The following JMJD1C variants were observed in gnomAD, a reference collection of about 807,000 sequenced individuals.
The protein encoded by JMJD1C is jumonji domain-containing protein 1C.
Under a neutral mutation model 245.3 loss-of-function variants are expected in JMJD1C, and 31 were observed. That is an observed-to-expected ratio of 0.13 (90% CI 0.09 to 0.17). JMJD1C has a LOEUF of 0.17. Among genes scored for constraint, JMJD1C ranks in the 10% least tolerant of loss-of-function variants. The pLI is 1.00. For synonymous variants in JMJD1C, 1,057 were observed against 1,017.4 expected, an observed-to-expected ratio of 1.04 and a Z score of -0.74; for missense variants, 2,691 against 3,000.2, an observed-to-expected ratio of 0.90 and a Z score of 2.41.
At chr10:63,374,226 C>G (rs1472765657) in intron 2 of JMJD1C, among the ~76,000 whole-genome samples, 2 of 152,074 alleles carry the variant, frequency 1.3e-5, no homozygotes, top group Non-Finnish European at 2.9e-5. Flanking sequence ...TACTAAATAA[C>G]AATTCACTAA....
intron 23 of JMJD1C, chr10:63,177,051 C>CTT (rs1842926033): frequency 6.6e-6 from 1 of 152,590 alleles, no homozygotes; most frequent in Non-Finnish European, 1.5e-5. Flanking sequence ...GGCTGTAACT[C>CTT]TTTTACTTCA....
chr10:63,424,281 G>A (rs920570315), intron 1 of JMJD1C, among the ~76,000 whole-genome samples: 1 of 150,438 alleles, frequency 6.6e-6, no homozygotes, highest in Non-Finnish European at 1.5e-5. Flanking sequence ...TGCCCACGCT[G>A]GTCTTGAACT....
chr10:63,266,081 T>C (rs1391261290), intron 2 of JMJD1C, among the ~76,000 whole-genome samples: 1 of 152,034 alleles, frequency 6.6e-6, no homozygotes, highest in Non-Finnish European at 1.5e-5. Context: ...ATATTAAATT[T>C]AAGCAAGTCT....
At chr10:63,271,885 G>A (rs1856345796) in intron 2 of JMJD1C, among the ~76,000 whole-genome samples, 1 of 152,032 alleles carries the variant, frequency 6.6e-6, no homozygotes, top group Admixed American at 6.5e-5. Flanking sequence ...GACCAGCCTG[G>A]CCATCATGGC....
rs1589821346 is a variant in JMJD1C at position 63,487,460 on chromosome 10, G to C, written n.113+34278C>G. Among the ~76,000 whole-genome samples, 4 of 152,282 alleles carry C rather than the reference G, an allele frequency of 2.6e-5. No individual in the cohort carries two copies. The South Asian group carries it at 8.3e-4, about 32-fold the overall frequency. On this transcript the variant is annotated intron_variant and non_coding_transcript_variant, in intron 1 of 3. Coordinates refer to the JMJD1C transcript ENST00000633035. Reference sequence around the variant, plus strand: ...ACTGGCATGCAGTGGATAGAGGCTAGGATGCTGCTAAACATCCTATAATGC... The same window carrying C: ...ACTGGCATGCAGTGGATAGAGGCTACGATGCTGCTAAACATCCTATAATGC...
At chr10:63,242,017 TTG>T (rs1851540611) in intron 3 of JMJD1C, among the ~76,000 whole-genome samples, 1 of 152,176 alleles carries the variant, frequency 6.6e-6, no homozygotes, top group African/African-American at 2.4e-5. Context: ...TCAATTTCCT[TTG>T]TGCAACAGGA....
intron 22 of JMJD1C, among the ~76,000 whole-genome samples, chr10:63,182,326 C>T (rs1291425962): frequency 1.3e-5 from 2 of 152,188 alleles, no homozygotes; most frequent in African/African-American, 2.4e-5. Context: ...TTGTGATTAA[C>T]GGTGCCATTC....
At chr10:63,458,592 T>C (rs1310877537) in intron 1 of JMJD1C, among the ~76,000 whole-genome samples, 1 of 151,976 alleles carries the variant, frequency 6.6e-6, no homozygotes, top group Non-Finnish European at 1.5e-5. Flanking sequence ...GCAGTATTTG[T>C]TGCCATTAAA....
intron 3 of JMJD1C, among the ~76,000 whole-genome samples, chr10:63,232,797 T>C (rs191659741): frequency 1.3e-5 from 2 of 152,340 alleles, no homozygotes; most frequent in African/African-American, 4.8e-5. Context: ...GATGTTTCTA[T>C]GGACTCATGA....
rs1432582484 is a variant in JMJD1C at position 63,172,144 on chromosome 10, G to C, written c.7402-3578C>G. On this transcript the variant is annotated intron_variant, in intron 24 of 25. Coordinates refer to ENST00000399262, the MANE Select transcript of JMJD1C (RefSeq NM_032776.3). The stretch of plus-strand genomic sequence containing the variant: ...TGGATCACTCAGCAATTTAGTGGCA[G>C]AGCTCAGAATATAATTTGTCAGTCT... 2.0e-5 allele frequency among the ~76,000 whole-genome samples: 3 copies of C among 152,216 alleles called. 1 individual carries two copies. The highest frequency in any genetic ancestry group is 4.4e-5 in the Non-Finnish European group (3 of 68,026).
intron 3 of JMJD1C, among the ~76,000 whole-genome samples, chr10:63,256,269 A>C (rs920954816): frequency 6.6e-6 from 1 of 152,196 alleles, no homozygotes; most frequent in Non-Finnish European, 1.5e-5. Flanking sequence ...TTTCGCAACC[A>C]ATTTTTACAA....
At chr10:63,173,385 T>C (rs1842570932) in intron 24 of JMJD1C, among the ~76,000 whole-genome samples, 1 of 152,000 alleles carries the variant, frequency 6.6e-6, no homozygotes, top group Non-Finnish European at 1.5e-5. Flanking sequence ...ACTATGAAAA[T>C]ACCATCCATA....
In JMJD1C at chr10:63,498,284, A is replaced by G. The variant is rs1357278889; in HGVS notation, n.113+23454T>C. Among the ~76,000 whole-genome samples the G allele has an allele frequency of 4.6e-5, 7 of 152,318 alleles. No homozygotes were observed. The South Asian group carries it at 1.5e-3, about 32-fold the overall frequency. On this transcript the variant is annotated intron_variant and non_coding_transcript_variant, in intron 1 of 3. Transcript: ENST00000633035. ...TATCAACATGCTGTACAGTTGTAAA[A>G]GTGACCATTCTCTGCCTTTAATATT...
chr10:63,463,065 C>G (rs1048949344), intron 1 of JMJD1C, among the ~76,000 whole-genome samples: 6 of 151,820 alleles, frequency 4.0e-5, no homozygotes, highest in Admixed American at 1.3e-4. Flanking sequence ...GCCAGGACTT[C>G]TAGTAGACTT....
chr10:63,449,138 A>G (rs1015063245), intron 1 of JMJD1C, among the ~76,000 whole-genome samples: 7 of 150,666 alleles, frequency 4.6e-5, no homozygotes, highest in Non-Finnish European at 1.0e-4. Context: ...AAAATAAAAT[A>G]AAATAAAATG....
At chr10:63,253,774 T>G (rs953159592) in intron 3 of JMJD1C, among the ~76,000 whole-genome samples, 2 of 152,180 alleles carry the variant, frequency 1.3e-5, no homozygotes, top group African/African-American at 4.8e-5. Flanking sequence ...TAATTTCTAT[T>G]CATCCTGATG....
chr10:63,411,411 G>A (rs1019345935), intron 1 of JMJD1C, among the ~76,000 whole-genome samples: 2 of 149,080 alleles, frequency 1.3e-5, no homozygotes, highest in African/African-American at 4.9e-5. Flanking sequence ...CGATTCTCCT[G>A]CCTCAGCCTC....
At chr10:63,390,641 T>G (rs1251664170) in intron 1 of JMJD1C, among the ~76,000 whole-genome samples, 1 of 152,150 alleles carries the variant, frequency 6.6e-6, no homozygotes, top group Non-Finnish European at 1.5e-5. Flanking sequence ...ACAAAAATTC[T>G]TATCAAAATA....
chr10:63,454,175 G>A (rs1340444108), intron 1 of JMJD1C, among the ~76,000 whole-genome samples: 1 of 151,998 alleles, frequency 6.6e-6, no homozygotes, highest in Non-Finnish European at 1.5e-5. Context: ...TTCTATATTT[G>A]TACTATCTGA....
Sources: allele counts gnomAD v4.1 joint callset (sites outside exome capture counted in the v4.1 genomes callset), GRCh38; gene constraint gnomAD v4.1.1; transcripts MANE v1.5; gene names NCBI Gene and HGNC (gene_info 2026-07-23, HGNC 2026-07-21).